Variants in SLC9A9 observed in about 807,000 individuals in gnomAD.
SLC9A9 encodes solute carrier family 9 member A9, also known as sodium/hydrogen exchanger 9.
SLC9A9 carries 62 observed loss-of-function variants against 77.8 expected under a neutral mutation model. That is an observed-to-expected ratio of 0.80 (90% CI 0.65 to 0.98). The LOEUF (loss-of-function observed/expected upper bound fraction) is 0.98, where lower values mean the gene tolerates loss of function less well. SLC9A9 is among the 50% of genes least tolerant of loss of function. SLC9A9 has a pLI of 0.00. For missense variants in SLC9A9, 775 were observed against 774.9 expected (o/e 1.00, Z 0.00); for synonymous variants, 320 against 283.5 (o/e 1.13, Z -1.29).
intron 14 of SLC9A9, among the ~76,000 whole-genome samples, chr3:143,336,697 G>A (rs891855268): frequency 8.6e-5 from 13 of 152,038 alleles, no homozygotes; most frequent in Middle Eastern, 3.2e-3. Context: ...TAAAGTAGTC[G>A]AATTAACTGA....
intron 4 of SLC9A9, among the ~76,000 whole-genome samples, chr3:143,737,483 A>C (rs180753124): frequency 6.0e-4 from 90 of 149,206 alleles, no homozygotes; most frequent in African/African-American, 2.2e-3. Context: ...GTTAAAAAAA[A>C]AACCAAAAAA....
At position 143,304,580 on chromosome 3, in the gene SLC9A9, C is replaced by T. The variant is rs138450144; in HGVS notation, c.1605-35600G>A. On this transcript the variant is annotated intron_variant, in intron 14 of 15. Coordinates refer to ENST00000316549, the MANE Select transcript of SLC9A9 (RefSeq NM_173653.4). ...AAGAACTTGGTTTCGAGTTGACAGA[C>T]TTGATAAAAGTCCAGCCATGGCTGG... Among the ~76,000 whole-genome samples the T allele has an allele frequency of 5.1e-3, 783 of 152,318 alleles. 5 individuals are homozygous for T. The highest frequency in any genetic ancestry group is 0.024 in the Middle Eastern group (7 of 294).
At chr3:143,537,018 G>A (rs530928647) in intron 9 of SLC9A9, among the ~76,000 whole-genome samples, 2 of 152,286 alleles carry the variant, frequency 1.3e-5, no homozygotes, top group South Asian at 4.1e-4. Context: ...ACTCTCTAGA[G>A]TCCCAAGTCC....
intron 9 of SLC9A9, among the ~76,000 whole-genome samples, chr3:143,501,585 T>C (rs2035923834): frequency 6.6e-6 from 1 of 151,030 alleles, no homozygotes; most frequent in Admixed American, 6.6e-5. Flanking sequence ...TTTCCCCATA[T>C]TCTTGCCAAA....
chr3:143,457,444 C>T (rs2035114265), intron 12 of SLC9A9, among the ~76,000 whole-genome samples: 3 of 152,060 alleles, frequency 2.0e-5, no homozygotes, highest in African/African-American at 7.2e-5. Context: ...TCTACTGTTT[C>T]TCTATTACCA....
intron 9 of SLC9A9, among the ~76,000 whole-genome samples, chr3:143,538,289 A>C (rs565030620): frequency 1.3e-5 from 2 of 152,312 alleles, no homozygotes; most frequent in Non-Finnish European, 2.9e-5. Flanking sequence ...TGGATGAAGC[A>C]AAAGACCCCT....
At chr3:143,734,250 G>A (rs546326757) in intron 4 of SLC9A9, among the ~76,000 whole-genome samples, 412 of 152,038 alleles carry the variant, frequency 2.7e-3, no homozygotes, top group African/African-American at 9.5e-3. Flanking sequence ...TTGAAACTAA[G>A]AAAGATTTTT....
chr3:143,796,290 CT>C lies in SLC9A9; in HGVS notation c.456+535del, dbSNP rs1298220082. Among the ~76,000 whole-genome samples the C allele has an allele frequency of 4.7e-5, 7 of 150,392 alleles. No homozygotes were observed. In the East Asian group the frequency reaches 1.4e-3, roughly 30 times the overall value. On this transcript the variant is annotated intron_variant, in intron 3 of 15. Transcript: ENST00000316549. ...TTGAGTTTTCACTTTAAAGGATAAA[CT>C]CAATGTTAATTAATAACCAAAGTCT...
chr3:143,847,079 C>A (rs548409643), intron 1 of SLC9A9, among the ~76,000 whole-genome samples: 1 of 152,264 alleles, frequency 6.6e-6, no homozygotes, highest in East Asian at 1.9e-4. Context: ...GTTCTGAAAT[C>A]ACAACTATAC....
At chr3:143,470,850 A>G (rs957760956) in intron 11 of SLC9A9, among the ~76,000 whole-genome samples, 1 of 152,208 alleles carries the variant, frequency 6.6e-6, no homozygotes, top group African/African-American at 2.4e-5. Flanking sequence ...TTAAATCTAA[A>G]TTATCTATAC....
intron 6 of SLC9A9, among the ~76,000 whole-genome samples, chr3:143,580,805 G>A (rs1025085027): frequency 2.6e-5 from 4 of 152,132 alleles, no homozygotes; most frequent in African/African-American, 7.2e-5. Context: ...GAAGGGAAAG[G>A]CTTAATTATC....
chr3:143,602,989 T>C (rs1432731732), intron 6 of SLC9A9, among the ~76,000 whole-genome samples: 1 of 152,234 alleles, frequency 6.6e-6, no homozygotes, highest in African/African-American at 2.4e-5. Flanking sequence ...ATCTGCAGCC[T>C]CAAGCTCTTA....
intron 1 of SLC9A9, chr3:143,847,871 C>G: frequency 2.0e-6 from 1 of 491,012 alleles, no homozygotes; most frequent in Non-Finnish European, 3.7e-6. Context: ...AGCTCGCCCT[C>G]GACTCCCCAC....
rs775553462 is a variant in SLC9A9, at chr3:143,419,523, C to T, written c.1470-37409G>A. On this transcript the variant is annotated intron_variant, in intron 12 of 15. Transcript: ENST00000316549. ...TACCTCTAACGGTGCTATCTCCTTC[C>T]GTTTCTATCAGTTTACGTTTATCTC... 6.6e-5 allele frequency among the ~76,000 whole-genome samples: 10 copies of T among 152,236 alleles called. No individual in the cohort carries two copies. In the East Asian group the frequency reaches 1.4e-3, roughly 21 times the overall value.
At chr3:143,385,423 A>G (rs1016189378) in intron 12 of SLC9A9, among the ~76,000 whole-genome samples, 14 of 152,190 alleles carry the variant, frequency 9.2e-5, no homozygotes, top group African/African-American at 1.4e-4. Flanking sequence ...CCTTTTCTCA[A>G]TTGTGATATA....
chr3:143,309,888 C>T (rs1049971267), intron 14 of SLC9A9, among the ~76,000 whole-genome samples: 2 of 152,170 alleles, frequency 1.3e-5, no homozygotes, highest in African/African-American at 4.8e-5. Flanking sequence ...AAGTCTCTGT[C>T]CCATGAAATC....
At chr3:143,552,533 TAG>T (rs2036910902) in intron 8 of SLC9A9, 83 bp from the exon 9 acceptor site, 2 of 1,150,360 alleles carry the variant, frequency 1.7e-6, no homozygotes, top group Admixed American at 1.8e-5. Flanking sequence ...AGTTGGAAAA[TAG>T]ACTTGGTGTC....
intron 14 of SLC9A9, among the ~76,000 whole-genome samples, chr3:143,338,014 G>T (rs75585888): frequency 0.028 from 4,298 of 152,270 alleles, 79 homozygotes; most frequent in South Asian, 0.039. Context: ...TGACTTTTGT[G>T]TATAAGAGAT....
At chr3:143,834,926 C>T (rs891129297) in intron 1 of SLC9A9, among the ~76,000 whole-genome samples, 26 of 152,150 alleles carry the variant, frequency 1.7e-4, no homozygotes, top group Admixed American at 7.2e-4. Context: ...GTGGTCTCAG[C>T]TTCTCTGCTC....
Sources: allele counts gnomAD v4.1 joint callset (sites outside exome capture counted in the v4.1 genomes callset), GRCh38; gene constraint gnomAD v4.1.1; transcripts MANE v1.5; gene names NCBI Gene and HGNC (gene_info 2026-07-23, HGNC 2026-07-21).